Variants in CPA6 observed in about 807,000 individuals in gnomAD.
The protein encoded by CPA6 is carboxypeptidase B.
In CPA6, 58 loss-of-function variants were observed where a neutral mutation model predicts 63.3. The ratio of observed to expected loss-of-function variants is 0.92; its 90% confidence interval spans 0.74 to 1.14. The LOEUF (loss-of-function observed/expected upper bound fraction) is 1.14, where lower values mean the gene tolerates loss of function less well. Ranked by LOEUF, CPA6 falls within the 50% of genes most tolerant of loss-of-function variation. The pLI, the probability that CPA6 is intolerant of heterozygous loss-of-function variation, is 0.00. For synonymous variants in CPA6, 185 were observed against 179.0 expected (o/e 1.03, Z -0.27); for missense variants, 565 against 526.6 (o/e 1.07, Z -0.71).
At chr8:67,624,934 GAGA>G (rs1483110981) in intron 1 of CPA6, among the ~76,000 whole-genome samples, 3 of 152,156 alleles carry the variant, frequency 2.0e-5, no homozygotes, top group Non-Finnish European at 2.9e-5. Flanking sequence ...AGCAATCACT[GAGA>G]AGATGATTAT....
intron 5 of CPA6, among the ~76,000 whole-genome samples, chr8:67,507,125 C>A (rs1015234771): frequency 1.3e-5 from 2 of 151,918 alleles, no homozygotes; most frequent in Non-Finnish European, 2.9e-5. Flanking sequence ...AAAGGAAAAT[C>A]CCTAAATAGG....
chr8:67,516,253 C>T (rs558855020), intron 3 of CPA6, among the ~76,000 whole-genome samples: 3 of 152,334 alleles, frequency 2.0e-5, no homozygotes, highest in South Asian at 4.1e-4. Context: ...AAAATTTAGC[C>T]ATTGGCTGTA....
chr8:67,437,034 T>C (rs191295905), intron 8 of CPA6, among the ~76,000 whole-genome samples: 7 of 152,332 alleles, frequency 4.6e-5, no homozygotes, highest in Non-Finnish European at 1.0e-4. Flanking sequence ...GTTTCCCTTC[T>C]TTGAATCTCA....
intron 1 of CPA6, among the ~76,000 whole-genome samples, chr8:67,726,486 C>A (rs1228790941): frequency 6.6e-6 from 1 of 152,136 alleles, no homozygotes; most frequent in Non-Finnish European, 1.5e-5. Context: ...AAACTGCTGG[C>A]AAATATTTTT....
intron 1 of CPA6, among the ~76,000 whole-genome samples, chr8:67,715,320 C>G (rs1310082643): frequency 6.6e-6 from 1 of 152,222 alleles, no homozygotes; most frequent in Non-Finnish European, 1.5e-5. Context: ...CCCATGACCC[C>G]CTTCTTAGGT....
intron 8 of CPA6, among the ~76,000 whole-genome samples, chr8:67,472,790 T>C (rs531215545): frequency 9.2e-5 from 14 of 152,358 alleles, no homozygotes; most frequent in African/African-American, 3.1e-4. Flanking sequence ...AATATATTTA[T>C]TCATGATGTT....
At chr8:67,713,115 A>G (rs539452811) in intron 1 of CPA6, among the ~76,000 whole-genome samples, 5,343 of 123,506 alleles carry the variant, frequency 0.043, 321 homozygotes, top group Non-Finnish European at 0.053. Flanking sequence ...ATATATATAT[A>G]TATATATATA....
intron 8 of CPA6, among the ~76,000 whole-genome samples, chr8:67,438,499 A>G (rs1047767000): frequency 1.3e-5 from 2 of 152,202 alleles, no homozygotes; most frequent in Non-Finnish European, 1.5e-5. Flanking sequence ...TGTGAGTGAA[A>G]TAACAATGTT....
At chr8:67,738,974 T>G (rs1000525931) in intron 1 of CPA6, among the ~76,000 whole-genome samples, 1 of 152,244 alleles carries the variant, frequency 6.6e-6, no homozygotes, top group Non-Finnish European at 1.5e-5. Context: ...TTGCACAATA[T>G]AGGCTGTGAA....
rs117644082 is a variant in CPA6 at position 67,471,650 on chromosome 8, T to G, written c.838+12118A>C. Among the ~76,000 whole-genome samples, 798 of 152,332 alleles carry G rather than the reference T, an allele frequency of 5.2e-3. 5 individuals carry two copies. The highest frequency in any genetic ancestry group is 8.7e-3 in the Non-Finnish European group (591 of 68,024). ...ACTGCCCATCTGTCTCTTGTCATTA[T>G]TCAGCATACCTCAGCGTTTCAAACA... On this transcript the variant is annotated intron_variant, in intron 8 of 10. Coordinates refer to ENST00000297770, the MANE Select transcript of CPA6 (RefSeq NM_020361.5).
chr8:67,553,795 C>T (rs1438015735), intron 2 of CPA6, among the ~76,000 whole-genome samples: 1 of 152,140 alleles, frequency 6.6e-6, no homozygotes, highest in Non-Finnish European at 1.5e-5. Context: ...ACATGAATGA[C>T]TTGGTCTTAA....
intron 2 of CPA6, among the ~76,000 whole-genome samples, chr8:67,548,916 G>C (rs377071125): frequency 6.6e-6 from 1 of 152,204 alleles, no homozygotes; most frequent in Non-Finnish European, 1.5e-5. Context: ...TGTGACCCTC[G>C]TGTCAGGGGA....
Position 67,644,327 on chromosome 8 carries a change from C to T in CPA6, c.117-20076G>A, listed in dbSNP as rs1017786493. ...TAGAGACGGCGTTTCACCATGTTAG[C>T]CAGGATGGTCTCGATCTCCTGACCT... On this transcript the variant is annotated intron_variant, in intron 1 of 10. Coordinates refer to ENST00000297770, the MANE Select transcript of CPA6 (RefSeq NM_020361.5). Among the ~76,000 whole-genome samples, 3 of 152,124 alleles carry T rather than the reference C, an allele frequency of 2.0e-5. No homozygotes were observed. The East Asian group carries it at 5.8e-4, about 29-fold the overall frequency.
chr8:67,541,719 C>T (rs1001611704), intron 2 of CPA6, among the ~76,000 whole-genome samples: 3 of 152,298 alleles, frequency 2.0e-5, no homozygotes, highest in East Asian at 1.9e-4. Flanking sequence ...TACAATGGCA[C>T]GATCCCTCAG....
chr8:67,663,083 C>T (rs1040502500), intron 1 of CPA6, among the ~76,000 whole-genome samples: 1 of 152,200 alleles, frequency 6.6e-6, no homozygotes, highest in African/African-American at 2.4e-5. Flanking sequence ...TACCTACTAC[C>T]TGCCCTTTCT....
chr8:67,443,898 A>G (rs1181920475), intron 8 of CPA6, among the ~76,000 whole-genome samples: 3 of 152,114 alleles, frequency 2.0e-5, no homozygotes, highest in Admixed American at 2.0e-4. Context: ...AAGATTAACT[A>G]ATTGGACTTG....
At chr8:67,694,517 T>C (rs117225701) in intron 1 of CPA6, among the ~76,000 whole-genome samples, 1,563 of 152,252 alleles carry the variant, frequency 0.01, 15 homozygotes, top group Non-Finnish European at 0.015. Flanking sequence ...CATCATCAAA[T>C]GGAAGTGGTA....
chr8:67,629,017 A>T (rs1815256246), intron 1 of CPA6, among the ~76,000 whole-genome samples: 1 of 152,218 alleles, frequency 6.6e-6, no homozygotes, highest in South Asian at 2.1e-4. Context: ...CTGGAGGCTA[A>T]GGCAGGAGAA....
chr8:67,640,457 G>GT (rs1815565471), intron 1 of CPA6, among the ~76,000 whole-genome samples: 1 of 151,296 alleles, frequency 6.6e-6, no homozygotes, highest in African/African-American at 2.5e-5. Flanking sequence ...AATTGCCTGG[G>GT]CTCAGCCTCA....
Sources: gnomAD v4.1 joint callset for allele counts (sites outside exome capture counted in the v4.1 genomes callset) on GRCh38, gnomAD v4.1.1 for gene constraint, MANE v1.5 for transcripts, NCBI Gene and HGNC (gene_info 2026-07-23, HGNC 2026-07-21) for gene names.